The following PGM5 variants were observed in gnomAD, a reference collection of about 807,000 sequenced individuals.
PGM5 encodes the protein phosphoglucomutase-like protein 5.
Under a neutral mutation model 59.2 loss-of-function variants are expected in PGM5, and 23 were observed. The ratio of observed to expected loss-of-function variants is 0.39; its 90% CI spans 0.28 to 0.55. PGM5 has a LOEUF of 0.55. Ranked by LOEUF, PGM5 falls within the 20% of genes least tolerant of loss-of-function variation. The probability of loss-of-function intolerance (pLI) is 0.66; values close to 1 mark genes in which losing one functional copy is unlikely to be tolerated. For synonymous variants in PGM5, 214 were observed against 286.0 expected (o/e 0.75, Z 2.54); for missense variants, 574 against 748.3 (o/e 0.77, Z 2.72).
chr9:68,394,022 T>C (rs1363736257), intron 6 of PGM5: 18 of 152,060 alleles, frequency 1.2e-4, no homozygotes, highest in Non-Finnish European at 2.5e-4. Context: ...AAATACATAA[T>C]ATATAATTCC....
chr9:68,447,071 T>C (rs1192883022), intron 6 of PGM5, among the ~76,000 whole-genome samples: 1 of 152,120 alleles, frequency 6.6e-6, no homozygotes, highest in African/African-American at 2.4e-5. Context: ...AGGCAGACCA[T>C]CCATTTTCTT....
At chr9:68,512,095 G>C (rs1304166528) in intron 10 of PGM5, among the ~76,000 whole-genome samples, 1 of 152,222 alleles carries the variant, frequency 6.6e-6, no homozygotes, top group African/African-American at 2.4e-5. Flanking sequence ...GAGGTAGTGA[G>C]TAGGGGTTGT....
intron 7 of PGM5, 57 bp downstream of exon 7, chr9:68,465,265 C>CCAAACTGAGATCACAA: frequency 8.9e-7 from 1 of 1,127,038 alleles, no homozygotes; most frequent in Non-Finnish European, 1.3e-6. Flanking sequence ...TTTGTGATCT[C>CCAAACTGAGATCACAA]AGTTTGGAGA....
intron 7 of PGM5, among the ~76,000 whole-genome samples, chr9:68,469,230 A>G (rs1823984739): frequency 6.6e-6 from 1 of 152,194 alleles, no homozygotes; most frequent in South Asian, 2.1e-4. Context: ...ATTACTTTTT[A>G]CTATGTGTTC....
rs1436387690 is a variant in PGM5 at position 68,406,692 on chromosome 9, A to G, written c.1043+14219A>G. ...TATATATATATGTATATATATATAT[A>G]TATATATATATATATATATATATAT... is the stretch of plus-strand genomic sequence containing the variant. On this transcript the variant is annotated intron_variant, in intron 6 of 10. Coordinates refer to ENST00000396396, the MANE Select transcript of PGM5 (RefSeq NM_021965.4). Among the ~76,000 whole-genome samples, 13 of 67,418 alleles carry G rather than the reference A, an allele frequency of 1.9e-4. 1 individual carries two copies. The highest frequency in any genetic ancestry group is 1.4e-3 in the East Asian group (3 of 2,116). The allele number at this position is 67,418 out of a possible 152,430, so 44.2% of individuals were successfully genotyped here. A position where few individuals can be genotyped will look rare whatever the true frequency, so the allele number is the denominator to read the frequency against.
At chr9:68,397,544 C>T (rs1275587278) in intron 6 of PGM5, 2 of 152,362 alleles carry the variant, frequency 1.3e-5, no homozygotes, top group South Asian at 2.1e-4. Flanking sequence ...TCTATTTGCT[C>T]TTATGCCACC....
At chr9:68,500,799 C>T (rs782527221) in intron 10 of PGM5, among the ~76,000 whole-genome samples, 48 of 152,130 alleles carry the variant, frequency 3.2e-4, no homozygotes, top group Admixed American at 5.9e-4. Context: ...CTATTTTTTC[C>T]TCAACATTCT....
chr9:68,526,188 AAAG>A (rs1322470204), intron 10 of PGM5, among the ~76,000 whole-genome samples: 1 of 152,224 alleles, frequency 6.6e-6, no homozygotes, highest in Non-Finnish European at 1.5e-5. Flanking sequence ...TACAAAATCT[AAAG>A]AAGTTCTGTG....
chr9:68,471,393 G>T (rs1824016091), intron 7 of PGM5, among the ~76,000 whole-genome samples: 1 of 152,164 alleles, frequency 6.6e-6, no homozygotes, highest in Admixed American at 6.5e-5. Context: ...ACTACTGGTT[G>T]CTAGGTGGCC....
In PGM5 at chr9:68,392,491, C is replaced by T. The variant is rs377069111; in HGVS notation, c.1043+18C>T. On this transcript the variant is annotated intron_variant, in intron 6 of 10. Coordinates refer to ENST00000396396, the MANE Select transcript of PGM5 (RefSeq NM_021965.4). ...CTGGACAGGTAAGCAAGGATGTCACCGTGAAAAACTTTATGGTAGACCTTT... is the reference window on the plus strand; with the variant it reads ...CTGGACAGGTAAGCAAGGATGTCACTGTGAAAAACTTTATGGTAGACCTTT... 3.0e-5 allele frequency: 48 copies of T among 1,608,990 alleles called. No individual in the cohort carries two copies. The highest frequency in any genetic ancestry group is 1.9e-4 in the African/African-American group (14 of 74,676).
At chr9:68,380,575 G>A (rs1554678236) in intron 2 of PGM5, among the ~76,000 whole-genome samples, 2 of 151,702 alleles carry the variant, frequency 1.3e-5, no homozygotes, top group East Asian at 1.9e-4. Flanking sequence ...GTGAGCAAAA[G>A]GAAGGAAATA....
At chr9:68,384,654 T>C in intron 3 of PGM5, 110 bp downstream of exon 3, 2 of 690,028 alleles carry the variant, frequency 2.9e-6, no homozygotes, top group South Asian at 3.7e-5. Flanking sequence ...ATCTCAGGGG[T>C]GACTCGATAA....
intron 9 of PGM5, among the ~76,000 whole-genome samples, chr9:68,491,019 A>G (rs1824380878): frequency 6.6e-6 from 1 of 152,226 alleles, no homozygotes; most frequent in East Asian, 1.9e-4. Flanking sequence ...TTCCTAACTT[A>G]GTCTAATATG....
intron 7 of PGM5, among the ~76,000 whole-genome samples, chr9:68,472,327 A>G: frequency 6.6e-6 from 1 of 152,138 alleles, no homozygotes; most frequent in Non-Finnish European, 1.5e-5. Flanking sequence ...GTTCATGCTG[A>G]TGAGTCATTT....
intron 10 of PGM5, among the ~76,000 whole-genome samples, chr9:68,507,525 T>C (rs1181693900): frequency 6.6e-6 from 1 of 152,178 alleles, no homozygotes; most frequent in Non-Finnish European, 1.5e-5. Context: ...GAGTAGAAAG[T>C]ATTGAGCAGG....
intron 9 of PGM5, among the ~76,000 whole-genome samples, chr9:68,491,483 G>A (rs527802608): frequency 2.0e-5 from 3 of 152,308 alleles, no homozygotes; most frequent in Admixed American, 6.5e-5. Flanking sequence ...TACGATAACT[G>A]TGATTAGGAT....
intron 7 of PGM5, among the ~76,000 whole-genome samples, chr9:68,468,457 T>G (rs1823970178): frequency 6.6e-6 from 1 of 152,222 alleles, no homozygotes; most frequent in African/African-American, 2.4e-5. Flanking sequence ...TATTATAGAC[T>G]TTTAGTTTCC....
intron 6 of PGM5, among the ~76,000 whole-genome samples, chr9:68,416,180 C>T (rs1236765318): frequency 2.0e-5 from 3 of 151,938 alleles, no homozygotes; most frequent in Non-Finnish European, 4.4e-5. Flanking sequence ...CTGTCATCCA[C>T]AAAAAAAGAT....
At chr9:68,429,464 A>C (rs536946295) in intron 6 of PGM5, 2 of 152,316 alleles carry the variant, frequency 1.3e-5, no homozygotes, top group South Asian at 2.1e-4. Context: ...ATTTCACAAA[A>C]CACAAGCTTA....
Sources: gnomAD v4.1 joint callset for allele counts (sites outside exome capture counted in the v4.1 genomes callset) on GRCh38, gnomAD v4.1.1 for gene constraint, MANE v1.5 for transcripts, NCBI Gene and HGNC (gene_info 2026-07-23, HGNC 2026-07-21) for gene names.